Variants in KCNC4 observed in about 807,000 individuals in gnomAD.
The protein encoded by KCNC4 is voltage-gated potassium channel KCNC4.
KCNC4 carries 23 observed loss-of-function variants against 42.8 expected under a neutral mutation model. The ratio of observed to expected loss-of-function variants is 0.54; its 90% CI spans 0.39 to 0.76. The LOEUF is 0.76. Ranked by LOEUF, KCNC4 falls within the 30% of genes least tolerant of loss-of-function variation. The pLI, the probability that KCNC4 is intolerant of heterozygous loss-of-function variation, is 0.00. For missense variants in KCNC4, 751 were observed against 898.2 expected (o/e 0.84, Z 2.10); for synonymous variants, 422 against 393.5 (o/e 1.07, Z -0.86).
downstream of KCNC4, among the ~76,000 whole-genome samples, chr1:110,250,448 A>G (rs111846707): frequency 6.6e-6 from 1 of 152,250 alleles, no homozygotes; most frequent in African/African-American, 2.4e-5. Flanking sequence ...AGAATAATTC[A>G]TATGTCACAT....
At chr1:110,240,588 C>G (rs1317717051) in exon 4 of KCNC4, 1 of 152,410 alleles carries the variant, frequency 6.6e-6, no homozygotes, top group Non-Finnish European at 1.5e-5. Flanking sequence ...CCTGCCTCCT[C>G]CCCACGCCCG....
intron 1 of KCNC4, among the ~76,000 whole-genome samples, chr1:110,263,906 G>A (rs1175913663): frequency 6.6e-6 from 1 of 152,074 alleles, no homozygotes; most frequent in Non-Finnish European, 1.5e-5. Flanking sequence ...TCTCCTCTGG[G>A]TACAAAGCTC....
intron 1 of KCNC4, among the ~76,000 whole-genome samples, chr1:110,258,662 C>T (rs1659376638): frequency 6.6e-6 from 1 of 152,192 alleles, no homozygotes. Flanking sequence ...GACTATTAAC[C>T]CTGCCCAGAG....
downstream of KCNC4, among the ~76,000 whole-genome samples, chr1:110,252,317 C>T (rs1204139882): frequency 2.6e-5 from 4 of 152,198 alleles, no homozygotes; most frequent in African/African-American, 9.7e-5. Context: ...ATAACCCATC[C>T]TTGGCTACCA....
intron 1 of KCNC4, among the ~76,000 whole-genome samples, chr1:110,261,196 G>A (rs974557454): frequency 4.6e-5 from 7 of 152,088 alleles, no homozygotes; most frequent in South Asian, 2.1e-4. Flanking sequence ...AAACATATGC[G>A]TGAATCCTTT....
Position 110,223,926 on chromosome 1 carries a change from A to G in KCNC4, c.1615+26A>G, listed in dbSNP as rs1426578120. On this transcript the variant is annotated intron_variant, in intron 2 of 3. Transcript: ENST00000438661. The surrounding 1 kb of genome is among the most constrained non-coding windows in gnomAD (Gnocchi z 7.5). ...GTGAGATTAGGGGTTGGGAAGGAAA[A>G]TCCCTTTTCCCCCAGTGGCCTAGGG... 8 of 1,544,280 alleles carry G rather than the reference A, an allele frequency of 5.2e-6. No homozygotes were observed. Among genetic ancestry groups the G allele is most frequent in the Non-Finnish European group, 7.0e-6 (8 of 1,136,408 alleles).
downstream of KCNC4, among the ~76,000 whole-genome samples, chr1:110,252,664 G>T (rs1169439000): frequency 6.6e-6 from 1 of 152,098 alleles, no homozygotes; most frequent in Non-Finnish European, 1.5e-5. Flanking sequence ...CATTCATTGA[G>T]CATCTACTCT....
chr1:110,231,402 C>T (rs946034251), intron 3 of KCNC4, among the ~76,000 whole-genome samples: 1 of 152,262 alleles, frequency 6.6e-6, no homozygotes, highest in East Asian at 1.9e-4. Context: ...TCAGAGGTCC[C>T]TGAGGATGGA....
At position 110,226,057 on chromosome 1, in the gene KCNC4, G is replaced by C. The variant is rs371724703; in HGVS notation, c.1698G>C (p.Pro566=). The C allele has an allele frequency of 1.2e-6, 2 of 1,613,904 alleles. No homozygotes were observed. Among genetic ancestry groups the C allele is most frequent in the South Asian group, 1.1e-5 (1 of 91,062 alleles). ...AGLTQPLASS[P]TPEERRALRR... is the part of the protein sequence containing the mutation. ...TCACCCAACCCCTGGCCTCCTCCCC[G>C]ACCCCCGAGGAGCGCCGGGCCCTGC... Residue 566 remains proline (P), a synonymous_variant, in exon 3 of 4, where the codon CCG becomes CCC. Coordinates refer to ENST00000438661, the MANE Select transcript of KCNC4 (RefSeq NM_001039574.3).
At chr1:110,259,559 T>C (rs1024480366) in intron 1 of KCNC4, among the ~76,000 whole-genome samples, 5 of 152,032 alleles carry the variant, frequency 3.3e-5, no homozygotes, top group Non-Finnish European at 7.4e-5. Flanking sequence ...CTGGGAAGGG[T>C]ATGTGTGCCT....
chr1:110,275,428 A>T (rs1459998429), intron 1 of KCNC4, among the ~76,000 whole-genome samples: 1 of 152,228 alleles, frequency 6.6e-6, no homozygotes, highest in Non-Finnish European at 1.5e-5. Context: ...AAATTAGTAC[A>T]ACCTCTATGG....
At chr1:110,227,879 C>T (rs961463002) in intron 3 of KCNC4, among the ~76,000 whole-genome samples, 13 of 152,118 alleles carry the variant, frequency 8.5e-5, no homozygotes, top group Admixed American at 7.9e-4. Flanking sequence ...GGCACGTGCA[C>T]GGGGCAGGAG....
At chr1:110,254,540 A>T (rs1357707535) in intron 1 of KCNC4, among the ~76,000 whole-genome samples, 1 of 152,194 alleles carries the variant, frequency 6.6e-6, no homozygotes, top group Non-Finnish European at 1.5e-5. Flanking sequence ...AGTGTGTGAC[A>T]CCTGCTTTTT....
At chr1:110,251,194 G>A (rs903148360), downstream of KCNC4, among the ~76,000 whole-genome samples, 4 of 152,182 alleles carry the variant, frequency 2.6e-5, no homozygotes, top group Admixed American at 6.5e-5. Context: ...AGTCCACTTA[G>A]AGGACTTCAA....
At chr1:110,222,800 A>G in intron 1 of KCNC4, 164 bp from the exon 2 acceptor site, 1 of 601,398 alleles carries the variant, frequency 1.7e-6, no homozygotes, top group Non-Finnish European at 3.0e-6. Context: ...CATATGGATA[A>G]AGACCCTCTG....
chr1:110,213,167 A>C (rs1657587907), intron 1 of KCNC4, among the ~76,000 whole-genome samples: 1 of 132,984 alleles, frequency 7.5e-6, no homozygotes, highest in African/African-American at 3.2e-5. Flanking sequence ...ATGCTTCGAC[A>C]GCTAAAAAAA....
At chr1:110,225,890 C>G in intron 2 of KCNC4, 85 bp from the exon 3 acceptor site, 1 of 1,289,154 alleles carries the variant, frequency 7.8e-7, no homozygotes, top group Non-Finnish European at 1.1e-6. Flanking sequence ...GGAAGTAACA[C>G]TCTGGGTCTG....
In KCNC4 at chr1:110,212,048, G is replaced by A; in HGVS notation, c.549G>A (p.Glu183=). The A allele has an allele frequency of 6.3e-7, 1 of 1,576,084 alleles. No individual in the cohort carries two copies. The highest frequency in any genetic ancestry group is 8.6e-7 in the Non-Finnish European group (1 of 1,163,400). The change falls in exon 1 of 4, where the codon GAG becomes GAA. Residue 183 remains glutamate, a synonymous_variant. Coordinates refer to ENST00000438661, the MANE Select transcript of KCNC4 (RefSeq NM_001039574.3). ...PSDEAGDDER[E]LALQRLGPHE... ...ACGAGGCCGGCGACGATGAGCGGGAGCTGGCCCTGCAGCGACTGGGCCCCC... is the reference window on the plus strand; with the variant it reads ...ACGAGGCCGGCGACGATGAGCGGGAACTGGCCCTGCAGCGACTGGGCCCCC...
chr1:110,225,850 A>T, intron 2 of KCNC4, 125 bp from the exon 3 acceptor site: 1 of 872,202 alleles, frequency 1.1e-6, no homozygotes, highest in Non-Finnish European at 1.8e-6. Flanking sequence ...GCTGCCTCTC[A>T]GGTAGATGCT....
Sources: allele counts gnomAD v4.1 joint callset (sites outside exome capture counted in the v4.1 genomes callset), GRCh38; gene constraint gnomAD v4.1.1; non-coding constraint Gnocchi (gnomAD v3.1); transcripts MANE v1.5; gene names NCBI Gene and HGNC (gene_info 2026-07-23, HGNC 2026-07-21).